Variants in MDN1 observed in about 807,000 individuals in gnomAD.
MDN1 encodes midasin AAA ATPase 1.
MDN1 carries 266 observed loss-of-function variants against 669.2 expected under a neutral mutation model. The observed-to-expected ratio is 0.40, with a 90% CI of 0.36 to 0.44. The LOEUF (loss-of-function observed/expected upper bound fraction) is 0.44. Among genes scored for constraint, MDN1 ranks in the 20% least tolerant of loss-of-function variants. The pLI, the probability that MDN1 is intolerant of heterozygous loss-of-function variation, is 1.00. For synonymous variants in MDN1, 2,385 were observed against 2,457.1 expected, an observed-to-expected ratio of 0.97 and a Z score of 0.87; for missense variants, 5,940 against 6,754.0, an observed-to-expected ratio of 0.88 and a Z score of 4.22.
intron 40 of MDN1, among the ~76,000 whole-genome samples, chr6:89,719,748 T>C (rs948775526): frequency 1.9e-4 from 29 of 152,222 alleles, no homozygotes; most frequent in African/African-American, 7.0e-4. Context: ...AGTTATAGAA[T>C]TTGCCCATGG....
intron 59 of MDN1, among the ~76,000 whole-genome samples, chr6:89,698,116 A>T (rs879514814): frequency 1.3e-5 from 2 of 152,232 alleles, no homozygotes; most frequent in African/African-American, 2.4e-5. Context: ...CACTGTGGTC[A>T]TCTAAGACTT....
intron 15 of MDN1, 78 bp from the exon 16 acceptor site, chr6:89,762,608 G>C: frequency 9.8e-7 from 1 of 1,018,990 alleles, no homozygotes; most frequent in African/African-American, 1.6e-5. Flanking sequence ...CAGAAAACAG[G>C]AGTAGGTCTC....
chr6:89,652,169 A>G, intron 95 of MDN1, 23 bp downstream of exon 95: 1 of 1,592,076 alleles, frequency 6.3e-7, no homozygotes, highest in African/African-American at 1.4e-5. Context: ...ATTTTATGAA[A>G]AAAACAGTGA....
rs770022399 is a variant in MDN1, at chr6:89,730,826, T to C, written c.5040A>G (p.Glu1680=). The stretch of plus-strand genomic sequence containing the variant: ...AAATCTTCAACTCATTTTTCTGATA[T>C]TCTGTAAGTCGTACTATCTTGGCAA... ...KRLAKIVRLT[E]YQKNELKIYD... Residue 1680 remains glutamate, a synonymous_variant, in exon 35 of 102, where the codon GAA becomes GAG. Transcript: ENST00000369393. 1.9e-6 allele frequency: 3 copies of C among 1,614,098 alleles called. No individual in the cohort carries two copies. In the South Asian group the frequency reaches 3.3e-5, roughly 18 times the overall value.
At position 89,661,432 on chromosome 6, in the gene MDN1, T is replaced by G. The variant is rs1422901639; in HGVS notation, c.14712A>C (p.Glu4904Asp). 2 of 1,610,944 alleles carry G rather than the reference T, an allele frequency of 1.2e-6. No individual in the cohort carries two copies. Among genetic ancestry groups the G allele is most frequent in the Non-Finnish European group, 1.7e-6 (2 of 1,179,132 alleles). The change falls in exon 88 of 102, where the codon GAA becomes GAC. Residue 4904 changes from glutamate (E) to aspartate (D), a missense_variant and splice_region_variant. Physicochemically the swap from Glu to Asp is conservative, Grantham distance 45. Around this residue, in one of 5 missense-constraint regions of MDN1, gnomAD observed 2,280 missense variants for 2,576.3 expected, o/e 0.88. Coordinates refer to ENST00000369393, the MANE Select transcript of MDN1 (RefSeq NM_014611.3). ...TCTCTTTGTTTCTGAAAGACGCACC[T>G]TCTCCTTCTTCATTGTCGGTGTCCT... Reference protein sequence around the residue: ...GGEDTDNEEGEEENPLEIKEK... With the variant: ...GGEDTDNEEGDEENPLEIKEK...
At chr6:89,726,482 G>GAAAAAAAAAAAA (rs201576721) in intron 37 of MDN1, among the ~76,000 whole-genome samples, 1 of 90,936 alleles carries the variant, frequency 1.1e-5, no homozygotes. Flanking sequence ...AAGAAAAATA[G>GAAAAAAAAAAAA]AAAAAAAAAA....
chr6:89,690,275 AT>A, intron 64 of MDN1, 132 bp from the exon 65 acceptor site: 3 of 1,009,650 alleles, frequency 3.0e-6, no homozygotes, highest in South Asian at 1.8e-5. Flanking sequence ...ATTAAAATAT[AT>A]TTTAAAAGAC....
At chr6:89,775,399 C>T (rs1354079421) in intron 12 of MDN1, among the ~76,000 whole-genome samples, 1 of 152,158 alleles carries the variant, frequency 6.6e-6, no homozygotes, top group Non-Finnish European at 1.5e-5. Context: ...CCAGCCAAAA[C>T]CATCCCAACT....
At chr6:89,669,546 C>T (rs1258203449) in intron 83 of MDN1, among the ~76,000 whole-genome samples, 1 of 152,124 alleles carries the variant, frequency 6.6e-6, no homozygotes, top group Non-Finnish European at 1.5e-5. Flanking sequence ...GAAATCTAGA[C>T]CCCATCTTCA....
chr6:89,723,369 G>C, intron 39 of MDN1, 143 bp downstream of exon 39: 3 of 669,586 alleles, frequency 4.5e-6, no homozygotes, highest in Non-Finnish European at 7.3e-6. Context: ...ACTACATAGT[G>C]TCCCTTCCAC....
At chr6:89,796,155 T>C (rs1017145437) in intron 2 of MDN1, among the ~76,000 whole-genome samples, 2 of 149,744 alleles carry the variant, frequency 1.3e-5, no homozygotes, top group Non-Finnish European at 3.0e-5. Flanking sequence ...TGAAACTCCG[T>C]CTCTACTAAA....
At chr6:89,644,321 T>C (rs1808338637) in intron 101 of MDN1, 128 bp from the exon 102 acceptor site, 1 of 693,256 alleles carries the variant, frequency 1.4e-6, no homozygotes, top group Non-Finnish European at 2.3e-6. Context: ...GAACCTACCT[T>C]TTATTACTAA....
At chr6:89,697,206 G>A (rs1812818446) in intron 59 of MDN1, among the ~76,000 whole-genome samples, 2 of 152,198 alleles carry the variant, frequency 1.3e-5, no homozygotes, top group African/African-American at 4.8e-5. Flanking sequence ...GGAGGAATTA[G>A]TCAAAATGAT....
chr6:89,794,553 C>A (rs780074079), intron 3 of MDN1, 24 bp downstream of exon 3: 1 of 1,607,850 alleles, frequency 6.2e-7, no homozygotes, highest in Non-Finnish European at 8.5e-7. Flanking sequence ...ACTAGAAGTG[C>A]AAAAAAGTCT....
chr6:89,803,952 A>T (rs1434754701), intron 1 of MDN1, among the ~76,000 whole-genome samples: 5 of 121,708 alleles, frequency 4.1e-5, no homozygotes, highest in Non-Finnish European at 7.9e-5. Context: ...CCCAGGCTGG[A>T]GTGCAGTGGC....
chr6:89,782,760 G>A (rs1818747832), intron 9 of MDN1, among the ~76,000 whole-genome samples: 2 of 151,968 alleles, frequency 1.3e-5, no homozygotes, highest in African/African-American at 4.8e-5. Context: ...CCAACATGGT[G>A]AAACCCTGTC....
chr6:89,791,038 A>G (rs1028702932), intron 5 of MDN1, among the ~76,000 whole-genome samples: 11 of 152,214 alleles, frequency 7.2e-5, no homozygotes, highest in Admixed American at 5.2e-4. Flanking sequence ...AAATAAATAA[A>G]TAAAAATAAA....
At chr6:89,666,543 G>T (rs939290353) in intron 84 of MDN1, among the ~76,000 whole-genome samples, 1 of 152,122 alleles carries the variant, frequency 6.6e-6, no homozygotes, top group Middle Eastern at 3.4e-3. Context: ...ATGTTGCCCC[G>T]GCTGGTCTCA....
In MDN1 at chr6:89,716,767, T is replaced by C; in HGVS notation, c.6626A>G (p.Lys2209Arg). 9 of 1,613,044 alleles carry C rather than the reference T, an allele frequency of 5.6e-6. No homozygotes were observed. The highest frequency in any genetic ancestry group is 1.7e-5 in the Admixed American group (1 of 59,770). The change falls in exon 44 of 102, where the codon AAG (lysine) becomes AGG (arginine). Residue 2209 changes from lysine to arginine, a missense_variant. Transcript: ENST00000369393. Reference sequence around the variant, plus strand: ...ATGGCCACTGGCCAACTGCGTAAGCTTCACACCAAAGCTTCGGAACTCTTC... The same window carrying C: ...ATGGCCACTGGCCAACTGCGTAAGCCTCACACCAAAGCTTCGGAACTCTTC... ...LVEEFRSFGV[K>R]LTQLASGHSH...
Sources: gnomAD v4.1 joint callset for allele counts (sites outside exome capture counted in the v4.1 genomes callset) on GRCh38, gnomAD v4.1.1 for gene constraint, gnomAD v4.1.1 regional missense constraint, MANE v1.5 for transcripts, NCBI Gene and HGNC (gene_info 2026-07-23, HGNC 2026-07-21) for gene names.